Variants in PPP2R2A observed in about 807,000 individuals in gnomAD.
The protein encoded by PPP2R2A is protein phosphatase 2 regulatory subunit Balpha.
PPP2R2A carries 9 observed loss-of-function variants against 53.2 expected under a neutral mutation model. The observed-to-expected ratio is 0.17, with a 90% CI of 0.10 to 0.30. The LOEUF (loss-of-function observed/expected upper bound fraction) is 0.30. PPP2R2A is among the 10% of genes least tolerant of loss of function. The probability of loss-of-function intolerance (pLI) is 1.00; values close to 1 mark genes in which losing one functional copy is unlikely to be tolerated. For synonymous variants in PPP2R2A, 169 were observed against 174.2 expected, an observed-to-expected ratio of 0.97 and a Z score of 0.23; for missense variants, 235 against 534.6, an observed-to-expected ratio of 0.44 and a Z score of 5.53.
Position 26,360,906 on chromosome 8 carries a change from C to G in PPP2R2A, c.460-68C>G. ...TCAAAAACTGAAATAATGAAGTTTT[C>G]TGAATCTTAATTGCTATTTGAAACT... On this transcript the variant is annotated intron_variant, in intron 5 of 9. Coordinates refer to ENST00000380737, the MANE Select transcript of PPP2R2A (RefSeq NM_002717.4). The surrounding 1 kb of genome is among the most constrained non-coding windows in gnomAD (Gnocchi z 4.5). 1 of 1,440,672 alleles carries G rather than the reference C, an allele frequency of 6.9e-7. No individual in the cohort carries two copies. Among genetic ancestry groups the G allele is most frequent in the Non-Finnish European group, 9.4e-7 (1 of 1,066,728 alleles). 89.2% of individuals were successfully genotyped at this position (1,440,672 alleles called of 1,614,324 possible).
At chr8:26,310,012 G>A (rs191715272) in intron 2 of PPP2R2A, among the ~76,000 whole-genome samples, 140 of 151,662 alleles carry the variant, frequency 9.2e-4, no homozygotes, top group African/African-American at 3.3e-3. Context: ...GCCAGGCGTG[G>A]TGGCTCACCC....
rs538858337 is a variant in PPP2R2A at position 26,357,246 on chromosome 8, A to G, written c.346+2613A>G. 3.1e-5 allele frequency among the ~76,000 whole-genome samples: 4 copies of G among 129,694 alleles called. No homozygotes were observed. The South Asian group carries it at 7.8e-4, about 25-fold the overall frequency. The allele number at this position is 129,694 out of a possible 152,430, so 85.1% of individuals were successfully genotyped here. ...TGATATCTTTTATATTATTTTGTGT[A>G]TTTTTCTCTGTGAGTTTTTTCTGTG... On this transcript the variant is annotated intron_variant, in intron 4 of 9. Transcript: ENST00000380737.
intron 3 of PPP2R2A, among the ~76,000 whole-genome samples, chr8:26,347,753 G>A (rs756665666): frequency 6.6e-6 from 1 of 151,950 alleles, no homozygotes; most frequent in Non-Finnish European, 1.5e-5. Flanking sequence ...TGACTGATAC[G>A]CTTCCAAATT....
chr8:26,292,007 G>C (rs1353920987), intron 1 of PPP2R2A, 181 bp downstream of exon 1: 2 of 1,241,166 alleles, frequency 1.6e-6, no homozygotes, highest in African/African-American at 1.6e-5. Flanking sequence ...AAGTGGTCAC[G>C]GTGAGAGTCA....
intron 2 of PPP2R2A, among the ~76,000 whole-genome samples, chr8:26,300,790 G>T (rs1464604696): frequency 6.6e-6 from 1 of 152,182 alleles, no homozygotes; most frequent in Non-Finnish European, 1.5e-5. Flanking sequence ...GGTGGAGGTT[G>T]CAGTGAGCCG....
chr8:26,317,812 G>C (rs1056295917), intron 2 of PPP2R2A, among the ~76,000 whole-genome samples: 2 of 152,166 alleles, frequency 1.3e-5, no homozygotes, highest in Non-Finnish European at 2.9e-5. Flanking sequence ...GATCTGAAGT[G>C]GATAAGCTGG....
At position 26,362,496 on chromosome 8, in the gene PPP2R2A, C is replaced by T. The variant is rs1000034981; in HGVS notation, c.638-188C>T. Among the ~76,000 whole-genome samples the T allele has an allele frequency of 2.6e-4, 40 of 151,914 alleles. No homozygotes were observed. Among genetic ancestry groups the T allele is most frequent in the African/African-American group, 9.7e-4 (40 of 41,342 alleles). ...CTCCAGCCTGGGTGACAGAGTGAAACTCCGTCTAAATAAAAATTAAAAAAA... is the reference window on the plus strand; with the variant it reads ...CTCCAGCCTGGGTGACAGAGTGAAATTCCGTCTAAATAAAAATTAAAAAAA... On this transcript the variant is annotated intron_variant, in intron 6 of 9. Coordinates refer to ENST00000380737, the MANE Select transcript of PPP2R2A (RefSeq NM_002717.4). This position sits in a 1 kb window ranked among gnomAD's most constrained non-coding sequence, Gnocchi z 4.4.
At chr8:26,303,703 T>A (rs551332927) in intron 2 of PPP2R2A, among the ~76,000 whole-genome samples, 6 of 152,204 alleles carry the variant, frequency 3.9e-5, no homozygotes, top group African/African-American at 1.2e-4. Flanking sequence ...TGCCAAAGTT[T>A]GTAGACTTCA....
At chr8:26,296,521 C>T (rs1313890912) in intron 2 of PPP2R2A, among the ~76,000 whole-genome samples, 2 of 152,212 alleles carry the variant, frequency 1.3e-5, no homozygotes, top group South Asian at 4.1e-4. Flanking sequence ...TTGCTAATTT[C>T]CTCTTTTGGA....
chr8:26,306,710 G>A (rs535916902), intron 2 of PPP2R2A, among the ~76,000 whole-genome samples: 3 of 152,076 alleles, frequency 2.0e-5, no homozygotes, highest in Non-Finnish European at 4.4e-5. Context: ...TTTATTAGAT[G>A]ATGCATGCCT....
Position 26,363,928 on chromosome 8 carries a change from T to A in PPP2R2A, c.972+38T>A, listed in dbSNP as rs764080909. On this transcript the variant is annotated intron_variant, in intron 8 of 9. Transcript: ENST00000380737. ...TTTCTTTCAATGAGCATATACCCTG[T>A]TTACTTTGAAGTGTTTATAGAGAAG... The A allele has an allele frequency of 2.0e-6, 3 of 1,505,242 alleles. No individual in the cohort carries two copies. The South Asian group carries it at 4.0e-5, about 20-fold the overall frequency. 93.2% of individuals were successfully genotyped at this position (1,505,242 alleles called of 1,614,324 possible). A position where few individuals can be genotyped will look rare whatever the true frequency, so the allele number is the denominator to read the frequency against.
At chr8:26,322,910 C>T (rs1802912145) in intron 2 of PPP2R2A, among the ~76,000 whole-genome samples, 1 of 152,200 alleles carries the variant, frequency 6.6e-6, no homozygotes, top group African/African-American at 2.4e-5. Context: ...GCTGAAATCA[C>T]TAAAAAGTCT....
Position 26,362,922 on chromosome 8 carries a change from T to G in PPP2R2A, c.802+74T>G, listed in dbSNP as rs1805184839. On this transcript the variant is annotated intron_variant, in intron 7 of 9. Transcript: ENST00000380737. The surrounding 1 kb of genome is among the most constrained non-coding windows in gnomAD (Gnocchi z 4.4). ...TGAAATAAGCCTCAGACATGATAAG[T>G]ACAATTACAGAGGTTCAAAGTCTTA... 13 of 1,431,352 alleles carry G rather than the reference T, an allele frequency of 9.1e-6. No individual in the cohort carries two copies. The highest frequency in any genetic ancestry group is 2.4e-5 in the South Asian group (2 of 83,490). 88.7% of individuals were successfully genotyped at this position (1,431,352 alleles called of 1,614,324 possible). A position where few individuals can be genotyped will look rare whatever the true frequency, so the allele number is the denominator to read the frequency against.
chr8:26,320,082 C>G (rs186034592), intron 2 of PPP2R2A, among the ~76,000 whole-genome samples: 10 of 152,298 alleles, frequency 6.6e-5, no homozygotes, highest in Non-Finnish European at 2.9e-5. Context: ...ACCTTTCTTT[C>G]AACACCTCAC....
At chr8:26,307,518 C>T (rs1024900822) in intron 2 of PPP2R2A, among the ~76,000 whole-genome samples, 3 of 152,170 alleles carry the variant, frequency 2.0e-5, no homozygotes, top group Non-Finnish European at 2.9e-5. Flanking sequence ...GTCTAATTCT[C>T]GACCTAATTT....
intron 2 of PPP2R2A, among the ~76,000 whole-genome samples, chr8:26,299,718 CTT>C (rs772629459): frequency 5.6e-5 from 8 of 143,104 alleles, no homozygotes; most frequent in East Asian, 2.0e-4. Flanking sequence ...TTCTGCATCT[CTT>C]TTTTTTTTTT....
At chr8:26,310,955 T>C (rs747212909) in intron 2 of PPP2R2A, among the ~76,000 whole-genome samples, 3 of 152,276 alleles carry the variant, frequency 2.0e-5, no homozygotes, top group Non-Finnish European at 2.9e-5. Flanking sequence ...TACATTGTAG[T>C]GGAGGAATGT....
At chr8:26,367,150 G>A (rs1393081920) in intron 9 of PPP2R2A, among the ~76,000 whole-genome samples, 1 of 152,026 alleles carries the variant, frequency 6.6e-6, no homozygotes, top group African/African-American at 2.4e-5. Flanking sequence ...GTGTTACAGA[G>A]GATAATAGAA....
At chr8:26,293,958 TGGAA>T in intron 2 of PPP2R2A, 1 of 531,770 alleles carries the variant, frequency 1.9e-6, no homozygotes, top group South Asian at 2.2e-5. Flanking sequence ...TGAATTTACA[TGGAA>T]GGAGCGGTAG....
Sources: allele counts gnomAD v4.1 joint callset (sites outside exome capture counted in the v4.1 genomes callset), GRCh38; gene constraint gnomAD v4.1.1; non-coding constraint Gnocchi (gnomAD v3.1); transcripts MANE v1.5; gene names NCBI Gene and HGNC (gene_info 2026-07-23, HGNC 2026-07-21).